The following NCAM1 variants were observed in gnomAD, a reference collection of about 807,000 sequenced individuals.
NCAM1 encodes the protein antigen recognized by monoclonal antibody 5.1H11.
Under a neutral mutation model 109.8 loss-of-function variants are expected in NCAM1, and 14 were observed. The observed-to-expected ratio is 0.13, with a 90% CI of 0.08 to 0.20. NCAM1 has a LOEUF of 0.20. NCAM1 is among the 10% of genes least tolerant of loss of function. The pLI is 1.00. For missense variants in NCAM1, 774 were observed against 1,109.9 expected (o/e 0.70, Z 4.30); for synonymous variants, 418 against 442.9 (o/e 0.94, Z 0.70).
chr11:113,184,842 G>A (rs1037676984), intron 1 of NCAM1, among the ~76,000 whole-genome samples: 5 of 152,026 alleles, frequency 3.3e-5, no homozygotes, highest in African/African-American at 4.8e-5. Context: ...CAAACTGTGT[G>A]CTAAGGGCAG....
chr11:113,268,610 G>T (rs142269430), intron 17 of NCAM1, among the ~76,000 whole-genome samples: 2 of 152,300 alleles, frequency 1.3e-5, no homozygotes, highest in Non-Finnish European at 2.9e-5. Context: ...AGTGGAGAGG[G>T]ACAGCCACCA....
At chr11:113,231,206 C>T in intron 9 of NCAM1, 2 of 1,536,080 alleles carry the variant, frequency 1.3e-6, no homozygotes, top group Non-Finnish European at 1.7e-6. Flanking sequence ...GTACATGCAC[C>T]ATGGAACTGG....
chr11:113,146,101 T>C (rs1195226041), intron 1 of NCAM1, among the ~76,000 whole-genome samples: 2 of 152,250 alleles, frequency 1.3e-5, no homozygotes, highest in Non-Finnish European at 2.9e-5. Flanking sequence ...TCAATGCCTC[T>C]ATCAAGAGTA....
At chr11:113,275,195 A>T in intron 19 of NCAM1, 72 bp from the exon 20 acceptor site, 1 of 1,587,030 alleles carries the variant, frequency 6.3e-7, no homozygotes, top group Non-Finnish European at 8.6e-7. Context: ...TGCTGTCCCC[A>T]AGGCCTGGAT....
In NCAM1 at chr11:113,235,047, A is replaced by G. The variant is rs1419450786; in HGVS notation, c.1708A>G (p.Ile570Val). The stretch of plus-strand genomic sequence containing the variant: ...TATTATAACAGCCAGCATGGAGGGC[A>G]TCGTCACCATCGTGGGCCTGAAGCC... ...YDAKEASMEG[I>V]VTIVGLKPET... Residue 570 changes from isoleucine (I) to valine (V), a missense_variant, in exon 14 of 20, where the codon ATC becomes GTC. By Grantham distance (29) the Ile-to-Val change is conservative. Coordinates refer to ENST00000316851, the MANE Select transcript of NCAM1 (RefSeq NM_181351.5). The G allele has an allele frequency of 1.7e-5, 27 of 1,560,720 alleles. No individual in the cohort carries two copies. Among genetic ancestry groups the G allele is most frequent in the Non-Finnish European group, 2.2e-5 (25 of 1,152,102 alleles).
chr11:113,174,285 G>T (rs1319204026), intron 1 of NCAM1, among the ~76,000 whole-genome samples: 2 of 152,156 alleles, frequency 1.3e-5, no homozygotes, highest in African/African-American at 4.8e-5. Flanking sequence ...TGGGGTTTCA[G>T]CCCTTATTGA....
intron 1 of NCAM1, among the ~76,000 whole-genome samples, chr11:113,153,541 G>C (rs1942310781): frequency 6.6e-6 from 1 of 152,114 alleles, no homozygotes; most frequent in African/African-American, 2.4e-5. Context: ...TGGCTTGGCT[G>C]TGTGGATAGA....
chr11:113,116,239 A>C (rs1940702544), intron 1 of NCAM1, among the ~76,000 whole-genome samples: 1 of 152,232 alleles, frequency 6.6e-6, no homozygotes, highest in African/African-American at 2.4e-5. Context: ...AGTACTCTAA[A>C]ACTATTTGTT....
At chr11:112,971,457 A>G (rs1444857793) in intron 1 of NCAM1, among the ~76,000 whole-genome samples, 1 of 152,126 alleles carries the variant, frequency 6.6e-6, no homozygotes, top group African/African-American at 2.4e-5. Context: ...GTGGGGAGGA[A>G]GAAATGACAG....
chr11:113,204,527 G>T, intron 3 of NCAM1, 23 bp downstream of exon 3: 1 of 1,607,406 alleles, frequency 6.2e-7, no homozygotes. Context: ...TTCTTCTTCT[G>T]CATTCTCTGG....
At chr11:113,035,928 G>A (rs1420119700) in intron 1 of NCAM1, among the ~76,000 whole-genome samples, 2 of 152,162 alleles carry the variant, frequency 1.3e-5, no homozygotes, top group Non-Finnish European at 2.9e-5. Context: ...TTACCAGCCA[G>A]TTTAAGGATG....
chr11:113,093,870 A>G (rs1329760184), intron 1 of NCAM1, among the ~76,000 whole-genome samples: 2 of 152,210 alleles, frequency 1.3e-5, no homozygotes, highest in Non-Finnish European at 2.9e-5. Context: ...AAGTCATTAC[A>G]TTCTCCTGAT....
At chr11:113,242,713 CA>C (rs1354359163) in intron 14 of NCAM1, 2 of 1,067,728 alleles carry the variant, frequency 1.9e-6, no homozygotes, top group African/African-American at 3.1e-5. Flanking sequence ...TATACTCACC[CA>C]TGTATGTATA....
intron 9 of NCAM1, among the ~76,000 whole-genome samples, chr11:113,223,806 G>A (rs1317049274): frequency 6.6e-6 from 1 of 152,218 alleles, no homozygotes; most frequent in African/African-American, 2.4e-5. Flanking sequence ...GTCCTGCTTT[G>A]TTTTGGACAA....
intron 1 of NCAM1, among the ~76,000 whole-genome samples, chr11:113,083,064 TTTC>T (rs1555087573): frequency 6.6e-6 from 1 of 152,116 alleles, no homozygotes; most frequent in Non-Finnish European, 1.5e-5. Flanking sequence ...TTTTTTTCTT[TTTC>T]TTGAGGGAAG....
At chr11:113,203,461 G>C (rs973693052) in intron 2 of NCAM1, among the ~76,000 whole-genome samples, 1 of 152,224 alleles carries the variant, frequency 6.6e-6, no homozygotes, top group African/African-American at 2.4e-5. Context: ...GCTGAGAAGG[G>C]CGCCACGCGA....
At chr11:112,993,379 A>T (rs1555070872) in intron 1 of NCAM1, among the ~76,000 whole-genome samples, 3 of 152,190 alleles carry the variant, frequency 2.0e-5, no homozygotes. Context: ...TATCATGAAG[A>T]TGGCACCAAG....
At chr11:113,095,773 C>T (rs1939567667) in intron 1 of NCAM1, among the ~76,000 whole-genome samples, 1 of 152,216 alleles carries the variant, frequency 6.6e-6, no homozygotes, top group South Asian at 2.1e-4. Flanking sequence ...GTTGGATTAG[C>T]CTTGTGCTTT....
At chr11:113,263,760 A>T in intron 17 of NCAM1, 1 of 985,510 alleles carries the variant, frequency 1.0e-6, no homozygotes. Flanking sequence ...AATGGCTTTG[A>T]GCATCAGTCT....
Sources: gnomAD v4.1 joint callset for allele counts (sites outside exome capture counted in the v4.1 genomes callset) on GRCh38, gnomAD v4.1.1 for gene constraint, MANE v1.5 for transcripts, NCBI Gene and HGNC (gene_info 2026-07-23, HGNC 2026-07-21) for gene names.